The following GMDS variants were observed in gnomAD, a reference collection of about 807,000 sequenced individuals.
The protein encoded by GMDS is GDP-mannose 4,6-dehydratase.
In GMDS, 20 loss-of-function variants were observed where a neutral mutation model predicts 49.9. The observed-to-expected ratio is 0.40, with a 90% CI of 0.28 to 0.58. GMDS has a LOEUF of 0.58. Ranked by LOEUF, GMDS falls within the 20% of genes least tolerant of loss-of-function variation. The probability of loss-of-function intolerance (pLI) is 0.42; values close to 1 mark genes in which losing one functional copy is unlikely to be tolerated. For synonymous variants in GMDS, 177 were observed against 178.6 expected, an observed-to-expected ratio of 0.99 and a Z score of 0.07; for missense variants, 362 against 481.4, an observed-to-expected ratio of 0.75 and a Z score of 2.32.
In GMDS at chr6:2,031,131, G is replaced by T. The variant is rs560727431; in HGVS notation, c.346-70165C>A. Among the ~76,000 whole-genome samples the T allele has an allele frequency of 5.3e-5, 8 of 152,232 alleles. No individual in the cohort carries two copies. The South Asian group carries it at 1.7e-3, about 32-fold the overall frequency. ...CATACAGAAATCGCCCTGTTAACAC[G>T]CACATCCTGATGCAGTAGTTCTGGG... is the stretch of plus-strand genomic sequence containing the variant. On this transcript the variant is annotated intron_variant, in intron 4 of 10. Coordinates refer to ENST00000380815, the MANE Select transcript of GMDS (RefSeq NM_001500.4).
chr6:2,051,182 A>C (rs1335904789), intron 4 of GMDS, among the ~76,000 whole-genome samples: 2 of 152,192 alleles, frequency 1.3e-5, no homozygotes, highest in South Asian at 2.1e-4. Flanking sequence ...TAAAGCTTCA[A>C]TAGGCAATGA....
chr6:1,877,503 C>T (rs568403682), intron 7 of GMDS, among the ~76,000 whole-genome samples: 106 of 151,720 alleles, frequency 7.0e-4, no homozygotes, highest in Non-Finnish European at 1.2e-3. Flanking sequence ...CCAGGCGTGA[C>T]GGTGTGTCCC....
intron 1 of GMDS, among the ~76,000 whole-genome samples, chr6:2,128,767 C>T (rs2127515288): frequency 6.6e-6 from 1 of 152,348 alleles, no homozygotes; most frequent in East Asian, 1.9e-4. Context: ...TGAAACAGTG[C>T]TTCCAGTTCT....
At chr6:1,990,015 G>T (rs1765830834) in intron 4 of GMDS, among the ~76,000 whole-genome samples, 1 of 152,260 alleles carries the variant, frequency 6.6e-6, no homozygotes, top group African/African-American at 2.4e-5. Flanking sequence ...GTTAGCCATA[G>T]GCTGGGCGCA....
intron 4 of GMDS, among the ~76,000 whole-genome samples, chr6:2,032,043 C>T (rs1187094015): frequency 6.6e-6 from 1 of 152,088 alleles, no homozygotes; most frequent in Non-Finnish European, 1.5e-5. Flanking sequence ...TGAAAATGGG[C>T]ACACACAAAG....
chr6:2,145,918 A>G, intron 1 of GMDS, among the ~76,000 whole-genome samples: 1 of 152,208 alleles, frequency 6.6e-6, no homozygotes, highest in Non-Finnish European at 1.5e-5. Flanking sequence ...ACCATCTCAT[A>G]TACGGGACTA....
intron 1 of GMDS, among the ~76,000 whole-genome samples, chr6:2,238,113 T>C (rs1483652150): frequency 6.6e-6 from 1 of 151,248 alleles, no homozygotes; most frequent in Non-Finnish European, 1.5e-5. Context: ...AGAGGCCAGG[T>C]GCAGTGGCTC....
intron 7 of GMDS, among the ~76,000 whole-genome samples, chr6:1,860,570 T>C (rs2063610988): frequency 6.6e-6 from 1 of 152,210 alleles, no homozygotes; most frequent in South Asian, 2.1e-4. Flanking sequence ...ATGCAGTTTT[T>C]AAATCATAGA....
chr6:1,895,093 T>C (rs527957057), intron 7 of GMDS, among the ~76,000 whole-genome samples: 1 of 152,328 alleles, frequency 6.6e-6, no homozygotes, highest in East Asian at 1.9e-4. Flanking sequence ...AGAGTCCTTA[T>C]AAGGCATTGT....
chr6:1,969,466 C>T (rs1764477469), intron 4 of GMDS, among the ~76,000 whole-genome samples: 1 of 152,018 alleles, frequency 6.6e-6, no homozygotes. Context: ...GTCCATAACA[C>T]ATTAATGAGT....
chr6:1,853,375 G>T (rs1032930382), intron 7 of GMDS, among the ~76,000 whole-genome samples: 1 of 150,408 alleles, frequency 6.6e-6, no homozygotes, highest in Admixed American at 6.6e-5. Flanking sequence ...AAAATTAGCC[G>T]GGCGTGGTAG....
At chr6:2,005,057 G>A (rs970860139) in intron 4 of GMDS, among the ~76,000 whole-genome samples, 3 of 152,062 alleles carry the variant, frequency 2.0e-5, no homozygotes, top group African/African-American at 7.2e-5. Context: ...AGTACTTAAG[G>A]GTGCTTATAA....
At chr6:1,871,432 T>G (rs1758746225) in intron 7 of GMDS, among the ~76,000 whole-genome samples, 1 of 152,216 alleles carries the variant, frequency 6.6e-6, no homozygotes, top group African/African-American at 2.4e-5. Context: ...AAATATGAGT[T>G]AAGGCCATTA....
intron 7 of GMDS, among the ~76,000 whole-genome samples, chr6:1,862,370 G>A (rs1430006317): frequency 6.8e-6 from 1 of 146,300 alleles, no homozygotes; most frequent in Non-Finnish European, 1.5e-5. Context: ...AAAAGACAAA[G>A]GATCCTGCTG....
At chr6:2,205,213 G>A (rs1191196769) in intron 1 of GMDS, among the ~76,000 whole-genome samples, 2 of 152,070 alleles carry the variant, frequency 1.3e-5, no homozygotes, top group Non-Finnish European at 2.9e-5. Flanking sequence ...AGTTATCAGT[G>A]GATAGTTGCA....
intron 9 of GMDS, among the ~76,000 whole-genome samples, chr6:1,688,058 C>T (rs903424861): frequency 1.3e-5 from 2 of 152,180 alleles, no homozygotes; most frequent in African/African-American, 4.8e-5. Flanking sequence ...GCTCTTAAAT[C>T]CACAGCAGAG....
In GMDS at chr6:1,959,790, C is replaced by T. The variant is rs560459528; in HGVS notation, c.643+77G>A. 14 of 807,146 alleles carry T rather than the reference C, an allele frequency of 1.7e-5. No individual in the cohort carries two copies. The East Asian group carries it at 3.6e-4, about 21-fold the overall frequency. The allele number at this position is 807,146 out of a possible 1,614,324, so 50.0% of individuals were successfully genotyped here. A position where few individuals can be genotyped will look rare whatever the true frequency, so the allele number is the denominator to read the frequency against. On this transcript the variant is annotated intron_variant, in intron 6 of 10. Coordinates refer to ENST00000380815, the MANE Select transcript of GMDS (RefSeq NM_001500.4). ...AGGAAATTTTTCAGTCTCTGTAGTA[C>T]ATACACCAAATAGACATGCAACTTG...
intron 7 of GMDS, among the ~76,000 whole-genome samples, chr6:1,832,082 C>T (rs1005434258): frequency 6.6e-6 from 1 of 151,918 alleles, no homozygotes; most frequent in African/African-American, 2.4e-5. Flanking sequence ...CTCTTTAGAA[C>T]AGTGGCTCAT....
chr6:1,666,412 C>T (rs541702082), intron 9 of GMDS, among the ~76,000 whole-genome samples: 6 of 152,242 alleles, frequency 3.9e-5, no homozygotes, highest in East Asian at 1.9e-4. Context: ...GCTAAGTGTA[C>T]AGCCCTGACC....
Sources: allele counts gnomAD v4.1 joint callset (sites outside exome capture counted in the v4.1 genomes callset), GRCh38; gene constraint gnomAD v4.1.1; transcripts MANE v1.5; gene names NCBI Gene and HGNC (gene_info 2026-07-23, HGNC 2026-07-21).